Variants in MED14 observed in about 807,000 individuals in gnomAD.
The protein encoded by MED14 is mediator of RNA polymerase II transcription subunit 14.
A neutral mutation model predicts 109.0 loss-of-function variants in MED14; 8 were observed. The observed-to-expected ratio is 0.07, with a 90% confidence interval of 0.04 to 0.13. MED14 has a LOEUF of 0.13. Among genes scored for constraint, MED14 ranks in the 10% least tolerant of loss-of-function variants. MED14 has a pLI of 1.00. For synonymous variants in MED14, 399 were observed against 408.7 expected (o/e 0.98, Z 0.29); for missense variants, 711 against 1,142.4 (o/e 0.62, Z 5.44).
chrX:40,686,969 T>G (rs148732115), intron 16 of MED14, among the ~76,000 whole-genome samples: 1 of 56,485 alleles, frequency 1.8e-5, no homozygotes, highest in South Asian at 5.7e-4. Context: ...CCATTAGAAC[T>G]TAAGCCCTAT....
At chrX:40,660,731 T>C (rs1929232496) in intron 26 of MED14, among the ~76,000 whole-genome samples, 2 of 112,439 alleles carry the variant, frequency 1.8e-5, no homozygotes, top group South Asian at 7.3e-4. Flanking sequence ...GTGGCATAGC[T>C]GAGGCTAGAT....
At chrX:40,654,801 G>A in intron 29 of MED14, 134 bp downstream of exon 29, 2 of 856,213 alleles carry the variant, frequency 2.3e-6, no homozygotes, top group Non-Finnish European at 3.3e-6. Context: ...TGACATCTAC[G>A]CTGACAATTA....
At chrX:40,716,507 T>C (rs1403675203) in intron 3 of MED14, among the ~76,000 whole-genome samples, 2 of 108,383 alleles carry the variant, frequency 1.8e-5, no homozygotes, top group Non-Finnish European at 1.9e-5. Flanking sequence ...GGAGGATCAC[T>C]TGAGCCCAGG....
chrX:40,654,331 T>C, intron 30 of MED14, 33 bp downstream of exon 30: 1 of 1,183,823 alleles, frequency 8.4e-7, no homozygotes. Context: ...TTATAACATA[T>C]ATGCAATAAA....
intron 1 of MED14, 182 bp from the exon 2 acceptor site, chrX:40,729,527 T>C: frequency 2.3e-6 from 1 of 431,188 alleles, no homozygotes; most frequent in Non-Finnish European, 3.9e-6. Context: ...AGTATGGTTA[T>C]AAGGCAAAAA....
chrX:40,678,911 T>C (rs1319660268), intron 21 of MED14, among the ~76,000 whole-genome samples: 1 of 111,895 alleles, frequency 8.9e-6, no homozygotes, highest in Admixed American at 9.5e-5. Flanking sequence ...CAAATAGCAA[T>C]GTAGGCATTC....
At chrX:40,703,397 A>G (rs747327120) in intron 11 of MED14, 47 bp downstream of exon 11, 1 of 1,078,073 alleles carries the variant, frequency 9.3e-7, no homozygotes, top group African/African-American at 1.8e-5. Flanking sequence ...GTTTTTGTTA[A>G]AAATAATTTT....
intron 3 of MED14, among the ~76,000 whole-genome samples, chrX:40,723,556 C>T (rs1456848475): frequency 9.4e-6 from 1 of 106,182 alleles, no homozygotes; most frequent in Non-Finnish European, 1.9e-5. Context: ...ATCCCAGCTA[C>T]TCAGGAGGCT....
At chrX:40,734,317 A>C (rs1018369458) in intron 1 of MED14, among the ~76,000 whole-genome samples, 2 of 112,475 alleles carry the variant, frequency 1.8e-5, no homozygotes, top group Non-Finnish European at 3.8e-5. Flanking sequence ...TACAGGAGTT[A>C]AGTAGAGCCT....
At chrX:40,701,302 A>G in intron 11 of MED14, 59 bp from the exon 12 acceptor site, 1 of 727,714 alleles carries the variant, frequency 1.4e-6, no homozygotes, top group Non-Finnish European at 2.0e-6. Flanking sequence ...ATCTTTATCT[A>G]GGTAGTGTAA....
At chrX:40,713,743 A>G in intron 5 of MED14, 35 bp downstream of exon 5, 1 of 1,204,303 alleles carries the variant, frequency 8.3e-7, no homozygotes, top group South Asian at 1.8e-5. Flanking sequence ...GCACCTGGCC[A>G]TCAACTCTTA....
At chrX:40,663,345 T>C (rs951199338) in intron 25 of MED14, among the ~76,000 whole-genome samples, 185 bp from the exon 26 acceptor site, 1 of 111,848 alleles carries the variant, frequency 8.9e-6, no homozygotes, top group Non-Finnish European at 1.9e-5. Context: ...TTCTCCTTCT[T>C]ATATCCAGGC....
upstream of MED14, chrX:40,735,914 A>G: frequency 7.8e-6 from 2 of 255,908 alleles, no homozygotes; most frequent in Non-Finnish European, 1.5e-5. Context: ...AACCAGGGTG[A>G]GGGCTGAGCC....
chrX:40,670,767 CAAA>C (rs35103655), intron 23 of MED14, among the ~76,000 whole-genome samples: 1 of 79,194 alleles, frequency 1.3e-5, no homozygotes, highest in African/African-American at 5.2e-5. Flanking sequence ...GACTCTGTCT[CAAA>C]AAAAAAAAAA....
At chrX:40,734,501 A>C (rs1208211804) in intron 1 of MED14, among the ~76,000 whole-genome samples, 2 of 112,738 alleles carry the variant, frequency 1.8e-5, no homozygotes, top group African/African-American at 6.5e-5. Context: ...AACCTGGGTT[A>C]TAAGATGTAC....
intron 13 of MED14, 69 bp downstream of exon 13, chrX:40,696,955 A>G (rs1569290388): frequency 4.4e-6 from 4 of 912,340 alleles, no homozygotes; most frequent in Non-Finnish European, 6.2e-6. Flanking sequence ...AAGTTAAACA[A>G]TAAGTCATTC....
intron 16 of MED14, among the ~76,000 whole-genome samples, chrX:40,686,474 T>C (rs929983438): frequency 1.8e-5 from 2 of 111,601 alleles, no homozygotes; most frequent in African/African-American, 6.5e-5. Context: ...CAATTGGAAG[T>C]ATTGCATTTT....
intron 3 of MED14, among the ~76,000 whole-genome samples, chrX:40,725,651 C>A (rs1334148916): frequency 1.8e-5 from 2 of 111,466 alleles, no homozygotes; most frequent in Non-Finnish European, 3.8e-5. Flanking sequence ...TAAAAACCCT[C>A]AAAAAACTGG....
chrX:40,703,109 T>C (rs1454943689), intron 11 of MED14, among the ~76,000 whole-genome samples: 1 of 112,411 alleles, frequency 8.9e-6, no homozygotes, highest in Non-Finnish European at 1.9e-5. Flanking sequence ...TAGAATTCCT[T>C]ATTGTGATTT....
Sources: gnomAD v4.1 joint callset for allele counts (sites outside exome capture counted in the v4.1 genomes callset) on GRCh38, gnomAD v4.1.1 for gene constraint, MANE v1.5 for transcripts, NCBI Gene and HGNC (gene_info 2026-07-23, HGNC 2026-07-21) for gene names.